The following LINGO1 variants were observed in gnomAD, a reference collection of about 807,000 sequenced individuals.
LINGO1 encodes leucine-rich repeat and immunoglobulin-like domain-containing nogo receptor-interacting protein 1.
A neutral mutation model predicts 37.3 loss-of-function variants in LINGO1; 11 were observed. The observed-to-expected ratio is 0.29, with a 90% confidence interval of 0.19 to 0.49. The LOEUF (loss-of-function observed/expected upper bound fraction) is 0.49, where lower values mean the gene tolerates loss of function less well. LINGO1 is among the 20% of genes least tolerant of loss of function. The pLI, the probability that LINGO1 is intolerant of heterozygous loss-of-function variation, is 0.99. For synonymous variants in LINGO1, 387 were observed against 403.0 expected (o/e 0.96, Z 0.48); for missense variants, 585 against 878.2 (o/e 0.67, Z 4.22).
At chr15:77,733,991 T>C (rs536650196) in intron 2 of LINGO1, among the ~76,000 whole-genome samples, 1 of 152,346 alleles carries the variant, frequency 6.6e-6, no homozygotes, top group East Asian at 1.9e-4. Context: ...CACGACACAG[T>C]GCTCAGGAGG....
At chr15:77,745,110 A>G (rs1326303255) in intron 1 of LINGO1, among the ~76,000 whole-genome samples, 7 of 127,244 alleles carry the variant, frequency 5.5e-5, no homozygotes, top group African/African-American at 1.2e-4. Flanking sequence ...TGGGCGAGAG[A>G]GCAAGACTCT....
At chr15:77,695,361 GCAGCAGAGA>G (rs1270787003) in intron 1 of LINGO1, among the ~76,000 whole-genome samples, 1 of 152,124 alleles carries the variant, frequency 6.6e-6, no homozygotes, top group African/African-American at 2.4e-5. Flanking sequence ...GATAAAGAGA[GCAGCAGAGA>G]CAGCTGAATG....
intron 1 of LINGO1, among the ~76,000 whole-genome samples, chr15:77,805,107 C>T (rs1044237915): frequency 3.9e-5 from 6 of 152,216 alleles, no homozygotes; most frequent in African/African-American, 1.4e-4. Flanking sequence ...CTCTGGGCAC[C>T]AATGCACCTT....
intron 1 of LINGO1, among the ~76,000 whole-genome samples, chr15:77,776,531 AGGGAGGGAGGGAG>A (rs2076653615): frequency 1.9e-5 from 1 of 52,100 alleles, no homozygotes; most frequent in African/African-American, 8.0e-5. Flanking sequence ...GGAGGAAGGG[AGGGAGGGAGGGAG>A]GGAGGGAGGG....
intron 2 of LINGO1, among the ~76,000 whole-genome samples, chr15:77,681,977 A>G (rs969126441): frequency 2.0e-5 from 3 of 152,242 alleles, no homozygotes; most frequent in Admixed American, 2.0e-4. Context: ...CAGGATGGGG[A>G]AGCTGAAGCA....
intron 1 of LINGO1, chr15:77,695,857 A>G (rs2075682858): frequency 1.3e-5 from 2 of 151,008 alleles, no homozygotes; most frequent in Non-Finnish European, 2.9e-5. Flanking sequence ...CAGCCTTTCC[A>G]CTGAACATTT....
rs760303993 is a variant in LINGO1, at chr15:77,675,180, G to A, written c.-13+1909C>T. Among the ~76,000 whole-genome samples, 8 of 152,312 alleles carry A rather than the reference G, an allele frequency of 5.3e-5. No individual in the cohort carries two copies. In the South Asian group the frequency reaches 8.3e-4, roughly 16 times the overall value. On this transcript the variant is annotated intron_variant, in intron 3 of 3. Coordinates refer to the LINGO1 transcript ENST00000559893. ...GGCATTTTGCATACAGTTTGTAGGA[G>A]CATAAATCAGCTCAGCCTTCTGCAG...
At chr15:77,648,308 G>C in intron 3 of LINGO1, 1 of 167,426 alleles carries the variant, frequency 6.0e-6, no homozygotes. Context: ...TTGTACAGAG[G>C]GGAAAACTGA....
chr15:77,762,263 G>A (rs2141385186), intron 1 of LINGO1, among the ~76,000 whole-genome samples: 1 of 152,322 alleles, frequency 6.6e-6, no homozygotes, highest in South Asian at 2.1e-4. Flanking sequence ...TGGCTATGGT[G>A]GTCAGGTCTG....
chr15:77,697,820 C>A (rs1282838660), upstream of LINGO1, among the ~76,000 whole-genome samples: 1 of 152,118 alleles, frequency 6.6e-6, no homozygotes, highest in Non-Finnish European at 1.5e-5. Context: ...TAAAGGAAAA[C>A]GAGTTGGGCT....
At chr15:77,630,761 G>T (rs1428206657) in intron 1 of LINGO1, among the ~76,000 whole-genome samples, 2 of 152,188 alleles carry the variant, frequency 1.3e-5, no homozygotes, top group Non-Finnish European at 2.9e-5. Flanking sequence ...ACACCACAGG[G>T]TGCCTGTCCC....
chr15:77,737,023 G>A (rs1399238914), intron 1 of LINGO1, among the ~76,000 whole-genome samples: 1 of 152,196 alleles, frequency 6.6e-6, no homozygotes, highest in Non-Finnish European at 1.5e-5. Flanking sequence ...CCCCAAGGAT[G>A]AGTGCTTAGG....
rs1241253175 is a variant in LINGO1 at position 77,713,210 on chromosome 15, T to TTTTGTGTG, written c.-195+21781_-195+21782insCACACAAA. ...GGCACACACCACCATGCCCAGCTAA[T>TTTTGTGTG]TGTGTGTGTGTGTGTGTGTGTGTGT... On this transcript the variant is annotated intron_variant, in intron 2 of 3. Coordinates refer to the LINGO1 transcript ENST00000561686. 2.4e-3 allele frequency among the ~76,000 whole-genome samples: 302 copies of TTTTGTGTG among 123,804 alleles called. 2 individuals carry two copies. The highest frequency in any genetic ancestry group is 9.0e-3 in the African/African-American group (280 of 30,968). The allele number at this position is 123,804 out of a possible 152,430, so 81.2% of individuals were successfully genotyped here. A position where few individuals can be genotyped will look rare whatever the true frequency, so the allele number is the denominator to read the frequency against.
rs530873012 is a variant in LINGO1 at position 77,656,538 on chromosome 15, G to A, written c.-13+20551C>T. Among the ~76,000 whole-genome samples the A allele has an allele frequency of 7.2e-5, 11 of 152,290 alleles. No individual in the cohort carries two copies. In the South Asian group the frequency reaches 1.7e-3, roughly 23 times the overall value. ...CATATGGTGAGACTCGTGTGGCACC[G>A]GCTCAGAGGGGCCTTGGGGTCTGGG... On this transcript the variant is annotated intron_variant, in intron 3 of 3. Transcript: ENST00000559893.
chr15:77,748,093 C>G (rs1306439434), intron 1 of LINGO1, among the ~76,000 whole-genome samples: 1 of 152,234 alleles, frequency 6.6e-6, no homozygotes, highest in Non-Finnish European at 1.5e-5. Context: ...TGTGGTTGCC[C>G]TTTTGAGGCA....
intron 1 of LINGO1, among the ~76,000 whole-genome samples, chr15:77,772,503 G>T (rs867325180): frequency 6.6e-6 from 1 of 152,062 alleles, no homozygotes; most frequent in Non-Finnish European, 1.5e-5. Flanking sequence ...CTGAGCAGTC[G>T]GCCTCCCCAG....
At chr15:77,800,969 C>T (rs919706949) in intron 1 of LINGO1, among the ~76,000 whole-genome samples, 1 of 152,146 alleles carries the variant, frequency 6.6e-6, no homozygotes, top group Non-Finnish European at 1.5e-5. Flanking sequence ...TGACATGCTA[C>T]CATTTTTTGC....
intron 3 of LINGO1, among the ~76,000 whole-genome samples, chr15:77,672,968 G>C (rs534471172): frequency 6.6e-6 from 1 of 152,302 alleles, no homozygotes; most frequent in South Asian, 2.1e-4. Flanking sequence ...ACAGACATGA[G>C]ACTTTGGGGA....
chr15:77,764,707 G>A (rs756525034), intron 1 of LINGO1, among the ~76,000 whole-genome samples: 12 of 152,178 alleles, frequency 7.9e-5, no homozygotes, highest in Non-Finnish European at 1.2e-4. Flanking sequence ...CTACTCATAC[G>A]TTGCTGTTGG....
Sources: gnomAD v4.1 joint callset for allele counts (sites outside exome capture counted in the v4.1 genomes callset) on GRCh38, gnomAD v4.1.1 for gene constraint, MANE v1.5 for transcripts, NCBI Gene and HGNC (gene_info 2026-07-23, HGNC 2026-07-21) for gene names.